Variants in SH3TC2 observed in about 807,000 individuals in gnomAD.
SH3TC2 encodes the protein SH3 domain and tetratricopeptide repeats 2, also known as SH3 domain and tetratricopeptide repeat-containing protein 2.
Under a neutral mutation model 124.5 loss-of-function variants are expected in SH3TC2, and 87 were observed. The ratio of observed to expected loss-of-function variants is 0.70; its 90% CI spans 0.59 to 0.84. The LOEUF is 0.84. Among genes scored for constraint, SH3TC2 ranks in the 40% least tolerant of loss-of-function variants. The pLI, the probability that SH3TC2 is intolerant of heterozygous loss-of-function variation, is 0.00. For synonymous variants in SH3TC2, 634 were observed against 628.5 expected (o/e 1.01, Z -0.13); for missense variants, 1,536 against 1,566.4 (o/e 0.98, Z 0.33).
intron 12 of SH3TC2, among the ~76,000 whole-genome samples, chr5:149,019,112 C>G (rs1184120083): frequency 6.6e-6 from 1 of 152,116 alleles, no homozygotes; most frequent in African/African-American, 2.4e-5. Flanking sequence ...GCAATCTGTG[C>G]CAGGAAAAAA....
chr5:149,017,030 T>G (rs552852603), intron 12 of SH3TC2, among the ~76,000 whole-genome samples: 1 of 152,194 alleles, frequency 6.6e-6, no homozygotes, highest in African/African-American at 2.4e-5. Flanking sequence ...ACCTATTATA[T>G]GCAAGGCATC....
At chr5:149,047,659 A>G (rs947697063) in intron 3 of SH3TC2, 9 of 650,090 alleles carry the variant, frequency 1.4e-5, no homozygotes, top group Non-Finnish European at 2.4e-5. Context: ...AGCAACTCCA[A>G]GTTGCCTCAT....
chr5:149,054,929 G>A (rs1019784090), intron 1 of SH3TC2, among the ~76,000 whole-genome samples: 17 of 152,194 alleles, frequency 1.1e-4, no homozygotes, highest in African/African-American at 3.9e-4. Flanking sequence ...ACCCTGGCTT[G>A]GGGAAAGGGT....
chr5:149,058,295 T>C (rs1351930466), intron 1 of SH3TC2, among the ~76,000 whole-genome samples: 3 of 152,200 alleles, frequency 2.0e-5, no homozygotes, highest in African/African-American at 7.2e-5. Flanking sequence ...GCTGTAACAT[T>C]TTGTATTCCC....
In SH3TC2 at chr5:149,000,574, G is replaced by T. The variant is rs1317164642; in HGVS notation, c.*4137C>A. ...TAAAAATAAGTTAATATGAGTAAAA[G>T]AAGTAAATCAATTTAGAAAATGTTT... On this transcript the variant is annotated 3_prime_UTR_variant, in exon 17 of 17. Coordinates refer to ENST00000515425, the MANE Select transcript of SH3TC2 (RefSeq NM_024577.4). 3.3e-5 allele frequency among the ~76,000 whole-genome samples: 5 copies of T among 152,342 alleles called. No individual in the cohort carries two copies. The highest frequency in any genetic ancestry group is 9.6e-5 in the African/African-American group (4 of 41,580).
chr5:149,022,116 G>T (rs1753984517), intron 12 of SH3TC2, among the ~76,000 whole-genome samples: 4 of 151,892 alleles, frequency 2.6e-5, no homozygotes, highest in Admixed American at 2.6e-4. Context: ...CAACCCATGG[G>T]CTGGGAAGAA....
rs1753497421 is a variant in SH3TC2, at chr5:148,995,613, T to C, written c.*9098A>G. ...TCAATCACTCATGAGCAATAAGTAG[T>C]TATATTATAGTTTTAAAACTTTCTC... On this transcript the variant is annotated 3_prime_UTR_variant, in exon 17 of 17. Coordinates refer to ENST00000515425, the MANE Select transcript of SH3TC2 (RefSeq NM_024577.4). 6.6e-6 allele frequency among the ~76,000 whole-genome samples: 1 copy of C among 152,152 alleles called. No individual in the cohort carries two copies. The highest frequency in any genetic ancestry group is 6.5e-5 in the Admixed American group (1 of 15,282).
chr5:149,054,689 T>A (rs1489319005), intron 1 of SH3TC2, among the ~76,000 whole-genome samples: 1 of 152,246 alleles, frequency 6.6e-6, no homozygotes, highest in Non-Finnish European at 1.5e-5. Flanking sequence ...CCCAGGAGCC[T>A]CATTGTCATA....
Position 149,012,592 on chromosome 5 carries a change from A to C in SH3TC2, c.3196T>G (p.Cys1066Gly). 2.5e-6 allele frequency: 4 copies of C among 1,614,134 alleles called. No individual in the cohort carries two copies. Among genetic ancestry groups the C allele is most frequent in the Non-Finnish European group, 3.4e-6 (4 of 1,180,022 alleles). ...CTCTGCAGGAGGCCTACCTGCAGGCACAGCTCCACCAGCTCGTCTTCCTGC... is the reference window on the plus strand; with the variant it reads ...CTCTGCAGGAGGCCTACCTGCAGGCCCAGCTCCACCAGCTCGTCTTCCTGC... ...LMQEDELVELCLQAAIQTALK... is the reference protein window; with the variant it reads ...LMQEDELVELGLQAAIQTALK... The change falls in exon 13 of 17, where the codon TGC becomes GGC. Residue 1066 changes from cysteine to glycine, a missense_variant. By Grantham distance (159) the Cys-to-Gly change is radical (BLOSUM62 -3). Coordinates refer to ENST00000515425, the MANE Select transcript of SH3TC2 (RefSeq NM_024577.4).
At position 148,989,430 on chromosome 5, in the gene SH3TC2, A is replaced by T. The variant is rs1411522020; in HGVS notation, c.*15281T>A. Among the ~76,000 whole-genome samples, 1 of 152,234 alleles carries T rather than the reference A, an allele frequency of 6.6e-6. No individual in the cohort carries two copies. The highest frequency in any genetic ancestry group is 2.4e-5 in the African/African-American group (1 of 41,462). On this transcript the variant is annotated 3_prime_UTR_variant, in exon 17 of 17. Transcript: ENST00000515425. ...ACCTAGGTCTACCTTAACCAGCATA[A>T]ATATGGCTGAGGAATATCTGAATTC...
rs869151294 is a variant in SH3TC2 at position 149,021,884 on chromosome 5, C to CTTTTTTTTTTTTTTTTTTTTT, written c.3053+4667_3053+4687dup. ...AACACCAATCCTTCACAAACTCTTT[C>CTTTTTTTTTTTTTTTTTTTTT]TTTTTTTTTTTTTTTTTTTTTTTTT... On this transcript the variant is annotated intron_variant, in intron 12 of 16. Transcript: ENST00000515425. Among the ~76,000 whole-genome samples, 6 of 32,848 alleles carry CTTTTTTTTTTTTTTTTTTTTT rather than the reference C, an allele frequency of 1.8e-4. 3 individuals carry two copies. The highest frequency in any genetic ancestry group is 2.2e-4 in the Non-Finnish European group (4 of 18,214). The allele number at this position is 32,848 out of a possible 152,430, so 21.5% of individuals were successfully genotyped here. A position where few individuals can be genotyped will look rare whatever the true frequency, so the allele number is the denominator to read the frequency against.
Position 149,027,653 on chromosome 5 carries a change from G to C in SH3TC2, c.2079C>G (p.Val693=). 1 of 1,614,248 alleles carries C rather than the reference G, an allele frequency of 6.2e-7. No homozygotes were observed. Among genetic ancestry groups the C allele is most frequent in the Non-Finnish European group, 8.5e-7 (1 of 1,180,030 alleles). Residue 693 remains valine, a synonymous_variant, in exon 11 of 17, where the codon GTC becomes GTG. Transcript: ENST00000515425. The stretch of plus-strand genomic sequence containing the variant: ...GGGCACTCTGGATACCATGTTGCTG[G>C]ACAGAGGCCACTGCAAGGTGTGGAA... ...KYLPHLAVAS[V]QQHGIQSAQG...
At position 149,038,466 on chromosome 5, in the gene SH3TC2, G is replaced by A. The variant is rs757969875; in HGVS notation, c.830C>T (p.Thr277Met). ...QIGRGRCKAL[T>M]GYEPGEKDEL... ...ATCCTTTTCTCCTGGCTCATAACCC[G>A]TCAAGGCCTTACAGCGTCCTCTGCC... Residue 277 changes from threonine (T) to methionine (M), a missense_variant, in exon 8 of 17, where the codon ACG becomes ATG. Thr to Met is a moderately conservative substitution (Grantham distance 81). Transcript: ENST00000515425. 74 of 1,613,884 alleles carry A rather than the reference G, an allele frequency of 4.6e-5. No homozygotes were observed. The Middle Eastern group carries it at 4.9e-4, about 11-fold the overall frequency.
In SH3TC2 at chr5:149,058,566, C is replaced by CT. The variant is rs201490813; in HGVS notation, c.52+4404dup. 3.2e-3 allele frequency among the ~76,000 whole-genome samples: 465 copies of CT among 143,736 alleles called. 6 individuals carry two copies. In the East Asian group the frequency reaches 0.044, roughly 14 times the overall value. 94.3% of individuals were successfully genotyped at this position (143,736 alleles called of 152,430 possible). A position where few individuals can be genotyped will look rare whatever the true frequency, so the allele number is the denominator to read the frequency against. On this transcript the variant is annotated intron_variant, in intron 1 of 16. Coordinates refer to ENST00000515425, the MANE Select transcript of SH3TC2 (RefSeq NM_024577.4). ...TCTTATCATTATTGAGTTGAAAGAGCTTTTTTTTTTTTAATATACTTGTTC... is the reference window on the plus strand; with the variant it reads ...TCTTATCATTATTGAGTTGAAAGAGCTTTTTTTTTTTTTAATATACTTGTTC...
chr5:149,042,602 A>G lies in SH3TC2; in HGVS notation c.529+92T>C, dbSNP rs142596521. 1.1e-3 allele frequency: 1,717 copies of G among 1,517,678 alleles called. 4 individuals are homozygous for G. Among genetic ancestry groups the G allele is most frequent in the African/African-American group, 0.01 (756 of 73,160 alleles). The allele number at this position is 1,517,678 out of a possible 1,614,324, so 94.0% of individuals were successfully genotyped here. ...TTTGTGAATATTCCATGTTTGAATG[A>G]TTTTTCCCTCCCTTTGCATCCTGCT... On this transcript the variant is annotated intron_variant, in intron 5 of 16. Transcript: ENST00000515425.
chr5:149,010,157 A>G (rs148623643), intron 14 of SH3TC2, 113 bp downstream of exon 14: 2 of 1,472,502 alleles, frequency 1.4e-6, no homozygotes, highest in Non-Finnish European at 9.5e-7. Flanking sequence ...AGAAAGAGAG[A>G]AAAATGAAAT....
chr5:149,023,169 G>A (rs1288710427), intron 12 of SH3TC2, among the ~76,000 whole-genome samples: 1 of 152,170 alleles, frequency 6.6e-6, no homozygotes, highest in Non-Finnish European at 1.5e-5. Context: ...CTCTTATGTA[G>A]GGCAGACTGT....
rs781320513 is a variant in SH3TC2 at position 149,004,685 on chromosome 5, A to G, written c.*26T>C. ...GTGGGGTCAGAGTCTGGCCATGCCA[A>G]ATGTCCAGAGACAGGACAGCTTTCC... On this transcript the variant is annotated 3_prime_UTR_variant, in exon 17 of 17. Transcript: ENST00000515425. 4.3e-6 allele frequency: 7 copies of G among 1,611,032 alleles called. No homozygotes were observed. Among genetic ancestry groups the G allele is most frequent in the Admixed American group, 3.3e-5 (2 of 59,972 alleles).
intron 9 of SH3TC2, among the ~76,000 whole-genome samples, chr5:149,028,933 G>A (rs1754133858): frequency 1.3e-5 from 2 of 150,914 alleles, no homozygotes; most frequent in South Asian, 4.2e-4. Flanking sequence ...TTTACAGTTG[G>A]GAACCAAGGT....
Sources: allele counts gnomAD v4.1 joint callset (sites outside exome capture counted in the v4.1 genomes callset), GRCh38; gene constraint gnomAD v4.1.1; transcripts MANE v1.5; gene names NCBI Gene and HGNC (gene_info 2026-07-23, HGNC 2026-07-21).